Variants in PISD observed in about 807,000 individuals in gnomAD.
PISD encodes phosphatidylserine decarboxylase proenzyme, mitochondrial.
PISD carries 31 observed loss-of-function variants against 43.5 expected under a neutral mutation model. The observed-to-expected ratio is 0.71, with a 90% CI of 0.54 to 0.96. PISD has a LOEUF of 0.96. Ranked by LOEUF, PISD falls within the 40% of genes least tolerant of loss-of-function variation. The pLI, the probability that PISD is intolerant of heterozygous loss-of-function variation, is 0.00. For missense variants in PISD, 523 were observed against 548.4 expected (o/e 0.95, Z 0.46); for synonymous variants, 259 against 228.7 (o/e 1.13, Z -1.20).
chr22:31,632,585 C>A (rs2073252970), intron 3 of PISD, among the ~76,000 whole-genome samples: 2 of 152,134 alleles, frequency 1.3e-5, no homozygotes, highest in African/African-American at 4.8e-5. Flanking sequence ...AAGCCATGCA[C>A]ATTAGGCTCA....
At chr22:31,635,593 C>A (rs142834656) in intron 3 of PISD, among the ~76,000 whole-genome samples, 132 of 152,278 alleles carry the variant, frequency 8.7e-4, no homozygotes, top group Middle Eastern at 3.4e-3. Flanking sequence ...CACCATGCCC[C>A]GCTGAGTTCC....
Position 31,624,524 on chromosome 22 carries a change from G to A in PISD, c.322-2639C>T, listed in dbSNP as rs577682146. On this transcript the variant is annotated intron_variant, in intron 3 of 7. Coordinates refer to ENST00000439502, the MANE Select transcript of PISD (RefSeq NM_001326411.2). ...CCGCCTACCACCACCACACAGCTAC[G>A]GCTCCATCCATCTGCATGGTCTTTC... is the stretch of plus-strand genomic sequence containing the variant. Among the ~76,000 whole-genome samples the A allele has an allele frequency of 2.0e-5, 3 of 151,910 alleles. No homozygotes were observed. In the South Asian group the frequency reaches 6.2e-4, roughly 32 times the overall value.
At chr22:31,625,535 C>G in intron 3 of PISD, 1 of 605,956 alleles carries the variant, frequency 1.7e-6, no homozygotes, top group Middle Eastern at 4.5e-4. Flanking sequence ...GGCTCGCTGG[C>G]AGCCTCCCCC....
intron 3 of PISD, chr22:31,628,171 C>G (rs1176127003): frequency 1.0e-6 from 1 of 985,476 alleles, no homozygotes; most frequent in East Asian, 1.1e-4. Flanking sequence ...TCCAGCTTTG[C>G]CCCAGGACAC....
chr22:31,653,058 A>C (rs991788487), intron 1 of PISD, among the ~76,000 whole-genome samples: 5 of 148,570 alleles, frequency 3.4e-5, no homozygotes, highest in African/African-American at 1.2e-4. Context: ...AAAAAAAAAA[A>C]ACCACACCCA....
At position 31,630,681 on chromosome 22, in the gene PISD, C is replaced by T; in HGVS notation, c.322-8796G>A. ...CACAGCTGGGAGAGCCCACCTGCGA[C>T]CGAAGGCCCTAGAAGGGCACCCCCA... On this transcript the variant is annotated intron_variant, in intron 3 of 7. Coordinates refer to ENST00000439502, the MANE Select transcript of PISD (RefSeq NM_001326411.2). The surrounding 1 kb of genome is among the most constrained non-coding windows in gnomAD (Gnocchi z 4.4). 4.1e-6 allele frequency: 4 copies of T among 971,184 alleles called. No homozygotes were observed. Among genetic ancestry groups the T allele is most frequent in the Non-Finnish European group, 4.9e-6 (4 of 816,880 alleles). 60.2% of individuals were successfully genotyped at this position (971,184 alleles called of 1,614,324 possible).
At chr22:31,634,834 C>CAAAAAAAAAAAAA (rs33999998) in intron 3 of PISD, among the ~76,000 whole-genome samples, 1 of 81,118 alleles carries the variant, frequency 1.2e-5, no homozygotes, top group Non-Finnish European at 2.2e-5. Context: ...GACTCCATCT[C>CAAAAAAAAAAAAA]AAAAAAAAAA....
At chr22:31,620,780 G>A (rs2072513550) in intron 6 of PISD, 67 bp from the exon 7 acceptor site, 1 of 1,573,384 alleles carries the variant, frequency 6.4e-7, no homozygotes, top group Non-Finnish European at 8.7e-7. Flanking sequence ...TGGCAGCCAA[G>A]ACCCAAAGGG....
intron 1 of PISD, among the ~76,000 whole-genome samples, chr22:31,651,622 C>A (rs1284296585): frequency 6.6e-6 from 1 of 152,048 alleles, no homozygotes; most frequent in African/African-American, 2.4e-5. Flanking sequence ...GTGGCACATG[C>A]CTGTAATCCC....
chr22:31,644,047 CA>C (rs549530970), intron 3 of PISD, among the ~76,000 whole-genome samples: 10 of 134,930 alleles, frequency 7.4e-5, no homozygotes, highest in Non-Finnish European at 1.3e-4. Context: ...GTCTCCGTCT[CA>C]AAAAAAAAAA....
Position 31,621,315 on chromosome 22 carries a change from C to T in PISD, c.697+19G>A, listed in dbSNP as rs200770866. ...ACACAGCAGCAGGGCTGCCTAGCCCCGCCTGTGCAGTGACCCACCTGGTGG... is the reference window on the plus strand; with the variant it reads ...ACACAGCAGCAGGGCTGCCTAGCCCTGCCTGTGCAGTGACCCACCTGGTGG... On this transcript the variant is annotated intron_variant, in intron 5 of 7. Coordinates refer to ENST00000439502, the MANE Select transcript of PISD (RefSeq NM_001326411.2). 2.6e-5 allele frequency: 42 copies of T among 1,613,742 alleles called. No individual in the cohort carries two copies. Among genetic ancestry groups the T allele is most frequent in the South Asian group, 7.7e-5 (7 of 91,072 alleles).
At chr22:31,643,546 A>G (rs1293750702) in intron 3 of PISD, among the ~76,000 whole-genome samples, 1 of 152,168 alleles carries the variant, frequency 6.6e-6, no homozygotes, top group African/African-American at 2.4e-5. Flanking sequence ...CTGTAGCAAG[A>G]TATGATCACA....
intron 3 of PISD, among the ~76,000 whole-genome samples, chr22:31,634,995 T>A (rs543278525): frequency 1.3e-5 from 2 of 151,364 alleles, no homozygotes; most frequent in African/African-American, 2.4e-5. Context: ...GGTGAAACCC[T>A]GTCTCTACTA....
rs916944865 is a variant in PISD at position 31,627,234 on chromosome 22, G to A, written c.322-5349C>T. On this transcript the variant is annotated intron_variant, in intron 3 of 7. Coordinates refer to ENST00000439502, the MANE Select transcript of PISD (RefSeq NM_001326411.2). ...CAGGCCCCTCTCCTAAATGAGTGACGGGGACAGCTCACTGCAGATGGGTCA... is the reference window on the plus strand; with the variant it reads ...CAGGCCCCTCTCCTAAATGAGTGACAGGGACAGCTCACTGCAGATGGGTCA... Among the ~76,000 whole-genome samples, 6 of 152,316 alleles carry A rather than the reference G, an allele frequency of 3.9e-5. No individual in the cohort carries two copies. The South Asian group carries it at 6.2e-4, about 16-fold the overall frequency.
chr22:31,633,434 C>G (rs543760101), intron 3 of PISD, among the ~76,000 whole-genome samples: 37 of 152,264 alleles, frequency 2.4e-4, no homozygotes, highest in Non-Finnish European at 4.0e-4. Context: ...ACCCGTAAAC[C>G]ACCAGGCGCG....
intron 3 of PISD, chr22:31,629,240 T>C: frequency 4.1e-6 from 4 of 984,494 alleles, no homozygotes; most frequent in Non-Finnish European, 4.8e-6. Flanking sequence ...GCGTGAGGGG[T>C]AGGTGCATGT....
intron 1 of PISD, among the ~76,000 whole-genome samples, chr22:31,655,989 G>C (rs1248551232): frequency 2.0e-5 from 3 of 151,862 alleles, no homozygotes; most frequent in South Asian, 2.1e-4. Context: ...CAATCCACTG[G>C]CAAGGCAATG....
Position 31,619,344 on chromosome 22 carries a change from C to T in PISD, c.*268G>A. 1 of 515,246 alleles carries T rather than the reference C, an allele frequency of 1.9e-6. No homozygotes were observed. Among genetic ancestry groups the T allele is most frequent in the Non-Finnish European group, 3.6e-6 (1 of 275,780 alleles). 31.9% of individuals were successfully genotyped at this position (515,246 alleles called of 1,614,324 possible). ...CGTCTATACAGTGTTTAAAAAGATC[C>T]AAATGTGACTGAGATCATTCCAGCC... On this transcript the variant is annotated 3_prime_UTR_variant, in exon 8 of 8. Coordinates refer to ENST00000439502, the MANE Select transcript of PISD (RefSeq NM_001326411.2).
intron 3 of PISD, among the ~76,000 whole-genome samples, chr22:31,636,416 GCCCCCAGGGCCATGCCT>G (rs2073436689): frequency 6.6e-6 from 1 of 152,158 alleles, no homozygotes; most frequent in Non-Finnish European, 1.5e-5. Flanking sequence ...CTTGCCACAA[GCCCCCAGGGCCATGCCT>G]CAAAACAATA....
Sources: allele counts gnomAD v4.1 joint callset (sites outside exome capture counted in the v4.1 genomes callset), GRCh38; gene constraint gnomAD v4.1.1; non-coding constraint Gnocchi (gnomAD v3.1); transcripts MANE v1.5; gene names NCBI Gene and HGNC (gene_info 2026-07-23, HGNC 2026-07-21).